The following GPR39 variants were observed in gnomAD, a reference collection of about 807,000 sequenced individuals.
GPR39 encodes the protein zinc sensing receptor.
A neutral mutation model predicts 18.4 loss-of-function variants in GPR39; 23 were observed. The observed-to-expected ratio is 1.25, with a 90% CI of 0.90 to 1.77. The LOEUF is 1.77. Among genes scored for constraint, GPR39 ranks in the 40% most tolerant of loss-of-function variants. The pLI, the probability that GPR39 is intolerant of heterozygous loss-of-function variation, is 0.00. For synonymous variants in GPR39, 280 were observed against 257.9 expected (o/e 1.09, Z -0.82); for missense variants, 647 against 602.4 (o/e 1.07, Z -0.78).
At chr2:132,470,663 G>A (rs1009043429) in intron 1 of GPR39, among the ~76,000 whole-genome samples, 1 of 151,274 alleles carries the variant, frequency 6.6e-6, no homozygotes, top group Non-Finnish European at 1.5e-5. Context: ...TGAGGAAAAT[G>A]TATAGATCCA....
In GPR39 at chr2:132,646,516, A is replaced by ATACC. The variant is rs977937850; in HGVS notation, c.*912_*915dup. On this transcript the variant is annotated 3_prime_UTR_variant, in exon 2 of 2. Coordinates refer to ENST00000329321, the MANE Select transcript of GPR39 (RefSeq NM_001508.3). ...GTTCCAAAAGCGATTTGAGATGCCA[A>ATACC]TACCTGTGAATACCTGTTAATAAAG... The ATACC allele has an allele frequency of 1.0e-5, 4 of 385,684 alleles. No homozygotes were observed. The highest frequency in any genetic ancestry group is 8.3e-5 in the African/African-American group (4 of 48,406). 23.9% of individuals were successfully genotyped at this position (385,684 alleles called of 1,614,324 possible).
chr2:132,623,179 C>T (rs1681472496), intron 1 of GPR39, among the ~76,000 whole-genome samples: 1 of 151,852 alleles, frequency 6.6e-6, no homozygotes, highest in Admixed American at 6.6e-5. Flanking sequence ...CAGGCCCCTT[C>T]AAAAGGAAAA....
intron 1 of GPR39, among the ~76,000 whole-genome samples, chr2:132,544,117 T>C (rs1010477289): frequency 6.6e-6 from 1 of 152,216 alleles, no homozygotes; most frequent in Non-Finnish European, 1.5e-5. Context: ...TGGGGATTTC[T>C]AAAAACAACT....
chr2:132,461,250 A>C (rs1365293104), intron 1 of GPR39, among the ~76,000 whole-genome samples: 1 of 151,964 alleles, frequency 6.6e-6, no homozygotes, highest in Non-Finnish European at 1.5e-5. Flanking sequence ...ACAGCCCTCG[A>C]CTCTGGGCTC....
At chr2:132,573,088 C>T (rs917036193) in intron 1 of GPR39, among the ~76,000 whole-genome samples, 16 of 152,176 alleles carry the variant, frequency 1.1e-4, no homozygotes, top group African/African-American at 2.9e-4. Context: ...GCTGCCCCTA[C>T]TGCCCCATGG....
intron 1 of GPR39, among the ~76,000 whole-genome samples, chr2:132,419,755 G>A (rs935795757): frequency 4.0e-5 from 6 of 151,420 alleles, no homozygotes; most frequent in Non-Finnish European, 8.8e-5. Flanking sequence ...TTTTTTGATC[G>A]GAGGAGACTG....
chr2:132,579,786 T>C (rs1181087751), intron 1 of GPR39, among the ~76,000 whole-genome samples: 4 of 152,200 alleles, frequency 2.6e-5, no homozygotes, highest in Non-Finnish European at 5.9e-5. Context: ...TATATAATTT[T>C]CTCCTCTGAC....
intron 1 of GPR39, among the ~76,000 whole-genome samples, chr2:132,620,733 C>CAA: frequency 6.6e-6 from 1 of 152,206 alleles, no homozygotes; most frequent in East Asian, 1.9e-4. Flanking sequence ...ACTCAGATCA[C>CAA]AACCTTCACA....
At chr2:132,571,451 G>A (rs1680438932) in intron 1 of GPR39, among the ~76,000 whole-genome samples, 1 of 151,976 alleles carries the variant, frequency 6.6e-6, no homozygotes, top group South Asian at 2.1e-4. Context: ...GAAAATCAGG[G>A]GTTAAAAAAC....
intron 1 of GPR39, among the ~76,000 whole-genome samples, chr2:132,419,299 T>A (rs1265193852): frequency 1.3e-5 from 2 of 152,204 alleles, no homozygotes; most frequent in Non-Finnish European, 2.9e-5. Flanking sequence ...ATTTCCATCT[T>A]CTAGAGGAGG....
In GPR39 at chr2:132,417,112, G is replaced by C. The variant is rs1163760347; in HGVS notation, c.70G>C (p.Glu24Gln). The stretch of plus-strand genomic sequence containing the variant: ...TGATCACAGTCATGTCCCCGAGTTT[G>C]AGGTGGCCACCTGGATCAAAATCAC... ...IIDHSHVPEF[E>Q]VATWIKITLI... The change falls in exon 1 of 2, where the codon GAG (glutamate) becomes CAG (glutamine). Residue 24 changes from glutamate (E) to glutamine (Q), a missense_variant. Glu to Gln is a conservative substitution (Grantham distance 29, BLOSUM62 2). Around this residue, in one of 3 missense-constraint regions of GPR39, gnomAD observed 61 missense variants for 79.2 expected, o/e 0.77. Transcript: ENST00000329321. 6.2e-7 allele frequency: 1 copy of C among 1,614,154 alleles called. No homozygotes were observed. The highest frequency in any genetic ancestry group is 8.5e-7 in the Non-Finnish European group (1 of 1,180,026).
At chr2:132,623,748 A>G (rs1681488355) in intron 1 of GPR39, among the ~76,000 whole-genome samples, 1 of 152,188 alleles carries the variant, frequency 6.6e-6, no homozygotes, top group South Asian at 2.1e-4. Context: ...TGATGATTAA[A>G]GCAAAAATCC....
intron 1 of GPR39, among the ~76,000 whole-genome samples, chr2:132,627,340 C>T (rs745545573): frequency 4.6e-5 from 7 of 152,190 alleles, no homozygotes; most frequent in Non-Finnish European, 1.0e-4. Flanking sequence ...ATGAAAACTG[C>T]TGTCTACTTA....
chr2:132,489,149 G>C (rs766378437), intron 1 of GPR39: 1 of 238,538 alleles, frequency 4.2e-6, no homozygotes. Context: ...ACTTCCTGGG[G>C]TTATTCTTCT....
chr2:132,431,078 A>G (rs369284578), intron 1 of GPR39, among the ~76,000 whole-genome samples: 10 of 152,082 alleles, frequency 6.6e-5, no homozygotes, highest in African/African-American at 2.2e-4. Flanking sequence ...GTTGGTGCCA[A>G]ATCCCCAGGG....
At chr2:132,433,425 G>A (rs1680258057) in intron 1 of GPR39, among the ~76,000 whole-genome samples, 1 of 151,960 alleles carries the variant, frequency 6.6e-6, no homozygotes. Flanking sequence ...TGTCTCTCCA[G>A]TAAAATATTG....
rs376091400 is a variant in GPR39 at position 132,417,849 on chromosome 2, C to G, written c.807C>G (p.Ser269=). Residue 269 remains serine (S), a synonymous_variant, in exon 1 of 2, where the codon TCC becomes TCG. Coordinates refer to ENST00000329321, the MANE Select transcript of GPR39 (RefSeq NM_001508.3). ...GGTRPPQLRK[S]ESEESRTARR... is the part of the protein sequence containing the mutation. ...CGCGGCCTCCGCAGCTGAGGAAGTC[C>G]GAGAGCGAAGAGAGCAGGACCGCCA... 9.9e-6 allele frequency: 16 copies of G among 1,611,504 alleles called. 1 individual carries two copies. The East Asian group carries it at 2.2e-4, about 22-fold the overall frequency.
intron 1 of GPR39, among the ~76,000 whole-genome samples, chr2:132,435,242 A>T (rs1573600614): frequency 1.3e-5 from 2 of 151,948 alleles, no homozygotes; most frequent in South Asian, 4.2e-4. Flanking sequence ...CTCCCCGCAC[A>T]CCTCCTTCAC....
At chr2:132,534,189 G>C (rs976067711) in intron 1 of GPR39, among the ~76,000 whole-genome samples, 1 of 152,112 alleles carries the variant, frequency 6.6e-6, no homozygotes, top group Admixed American at 6.6e-5. Flanking sequence ...GATATGAACA[G>C]ACACTTCTCA....
Sources: allele counts gnomAD v4.1 joint callset (sites outside exome capture counted in the v4.1 genomes callset), GRCh38; gene constraint gnomAD v4.1.1; regional missense constraint gnomAD v4.1.1; transcripts MANE v1.5; gene names NCBI Gene and HGNC (gene_info 2026-07-23, HGNC 2026-07-21).